Variants in DRD2 observed in about 807,000 individuals in gnomAD.
DRD2 encodes D(2) dopamine receptor.
A neutral mutation model predicts 38.0 loss-of-function variants in DRD2; 8 were observed. That is an observed-to-expected ratio of 0.21 (90% CI 0.12 to 0.38). DRD2 has a LOEUF of 0.38. Among genes scored for constraint, DRD2 ranks in the 10% least tolerant of loss-of-function variants. DRD2 has a pLI of 1.00. For missense variants in DRD2, 403 were observed against 607.7 expected (o/e 0.66, Z 3.54); for synonymous variants, 230 against 238.6 (o/e 0.96, Z 0.33).
At position 113,410,591 on chromosome 11, in the gene DRD2, C is replaced by A. The variant is rs200902658; in HGVS notation, c.*136G>T. ...GGGCAGTGAGGAGCATGGAGCCAAG[C>A]GAACACTGCAGGGCCTGCCGGGGTG... On this transcript the variant is annotated 3_prime_UTR_variant, in exon 8 of 8. Transcript: ENST00000362072. The A allele has an allele frequency of 1.8e-6, 2 of 1,121,710 alleles. No individual in the cohort carries two copies. The highest frequency in any genetic ancestry group is 1.5e-5 in the African/African-American group (1 of 65,522). 69.5% of individuals were successfully genotyped at this position (1,121,710 alleles called of 1,614,324 possible).
At chr11:113,412,979 T>C in intron 6 of DRD2, 96 bp from the exon 7 acceptor site, 2 of 1,357,122 alleles carry the variant, frequency 1.5e-6, no homozygotes, top group Non-Finnish European at 2.0e-6. Context: ...CTCTGAAGAC[T>C]CCTGCAAACA....
chr11:113,446,980 T>C (rs894512663), intron 1 of DRD2, among the ~76,000 whole-genome samples: 3 of 152,220 alleles, frequency 2.0e-5, no homozygotes, highest in Non-Finnish European at 4.4e-5. Context: ...GTGGGCTTCA[T>C]CTGCAGTCTT....
chr11:113,443,500 T>G (rs1951112165), intron 1 of DRD2, among the ~76,000 whole-genome samples: 1 of 152,242 alleles, frequency 6.6e-6, no homozygotes, highest in Non-Finnish European at 1.5e-5. Flanking sequence ...CTCCAAGTTT[T>G]GGGCAGATTG....
At chr11:113,452,879 T>A (rs543174035) in intron 1 of DRD2, among the ~76,000 whole-genome samples, 5 of 151,996 alleles carry the variant, frequency 3.3e-5, no homozygotes, top group African/African-American at 7.3e-5. Context: ...CTCAAACTCC[T>A]GAACTCAGGT....
At chr11:113,469,407 A>G (rs1340517440) in intron 1 of DRD2, among the ~76,000 whole-genome samples, 1 of 152,202 alleles carries the variant, frequency 6.6e-6, no homozygotes, top group Non-Finnish European at 1.5e-5. Context: ...CTAAAGAATT[A>G]TCTTCTTATC....
rs540541838 is a variant in DRD2, at chr11:113,433,896, C to G, written c.-31-9214G>C. ...ACCTCACAGTAAAAATAGAAGCTAG[C>G]CTTCGGCACTTTCTCAATTTCCTGT... is the stretch of plus-strand genomic sequence containing the variant. On this transcript the variant is annotated intron_variant, in intron 1 of 7. Coordinates refer to ENST00000362072, the MANE Select transcript of DRD2 (RefSeq NM_000795.4). 2.0e-5 allele frequency among the ~76,000 whole-genome samples: 3 copies of G among 152,326 alleles called. No individual in the cohort carries two copies. In the South Asian group the frequency reaches 6.2e-4, roughly 32 times the overall value.
intron 1 of DRD2, among the ~76,000 whole-genome samples, chr11:113,474,778 G>T (rs1951464068): frequency 6.6e-6 from 1 of 152,084 alleles, no homozygotes; most frequent in Non-Finnish European, 1.5e-5. Flanking sequence ...TGCCCTGGGC[G>T]CCCCGCGGGG....
At chr11:113,417,967 G>A in intron 3 of DRD2, 60 bp downstream of exon 3, 1 of 1,419,720 alleles carries the variant, frequency 7.0e-7, no homozygotes. Flanking sequence ...TTTGAGAAAA[G>A]CTGGGGCAGC....
intron 1 of DRD2, among the ~76,000 whole-genome samples, chr11:113,443,074 G>T (rs1006838986): frequency 2.0e-5 from 3 of 152,082 alleles, no homozygotes; most frequent in Non-Finnish European, 2.9e-5. Flanking sequence ...GCTGCTACTG[G>T]TCCTTTCAAC....
At position 113,414,428 on chromosome 11, in the gene DRD2, A is replaced by G; in HGVS notation, c.757T>C (p.Cys253Arg). 2 of 1,614,202 alleles carry G rather than the reference A, an allele frequency of 1.2e-6. No individual in the cohort carries two copies. The highest frequency in any genetic ancestry group is 1.7e-6 in the Non-Finnish European group (2 of 1,180,042). Residue 253 changes from cysteine (C) to arginine (R), a missense_variant, in exon 6 of 8, where the codon TGC (cysteine) becomes CGC (arginine). Physicochemically the swap from Cys to Arg is radical, Grantham distance 180 (BLOSUM62 -3). Around this residue, in one of 4 missense-constraint regions of DRD2, gnomAD observed 166 missense variants for 178.6 expected, o/e 0.93. Coordinates refer to ENST00000362072, the MANE Select transcript of DRD2 (RefSeq NM_000795.4). ...CCATTAGACTTCATGATAACGGTGCAGAGTTTCATGTCCTCGGGGTGAGTA... is the reference window on the plus strand; with the variant it reads ...CCATTAGACTTCATGATAACGGTGCGGAGTTTCATGTCCTCGGGGTGAGTA... ...NCTHPEDMKL[C>R]TVIMKSNGSF...
chr11:113,454,493 C>T (rs1204288933), intron 1 of DRD2, among the ~76,000 whole-genome samples: 2 of 152,100 alleles, frequency 1.3e-5, no homozygotes, highest in African/African-American at 2.4e-5. Flanking sequence ...CTGGCTTTTC[C>T]CTCTGTAACT....
chr11:113,419,525 C>T (rs1950864145), intron 2 of DRD2, among the ~76,000 whole-genome samples: 1 of 149,102 alleles, frequency 6.7e-6, no homozygotes, highest in Non-Finnish European at 1.5e-5. Context: ...CACACAGGCA[C>T]ACACTCATGG....
chr11:113,440,870 C>T (rs76045630), intron 1 of DRD2, among the ~76,000 whole-genome samples: 3 of 152,188 alleles, frequency 2.0e-5, no homozygotes, highest in Non-Finnish European at 4.4e-5. Flanking sequence ...CCTTGGGGCT[C>T]CTGGGACACA....
At chr11:113,433,732 G>A (rs1270396592) in intron 1 of DRD2, among the ~76,000 whole-genome samples, 1 of 152,182 alleles carries the variant, frequency 6.6e-6, no homozygotes, top group Non-Finnish European at 1.5e-5. Context: ...GCCCTATGCA[G>A]CTGGAGCCAG....
At chr11:113,427,032 C>T (rs888575619) in intron 1 of DRD2, among the ~76,000 whole-genome samples, 4 of 152,216 alleles carry the variant, frequency 2.6e-5, no homozygotes, top group Non-Finnish European at 5.9e-5. Context: ...TCCTGACCAT[C>T]GCTCTCTTCT....
At chr11:113,422,874 T>G (rs2734831) in intron 2 of DRD2, among the ~76,000 whole-genome samples, 65,499 of 152,046 alleles carry the variant, frequency 0.43, 17,121 homozygotes, top group Non-Finnish European at 0.6. Flanking sequence ...CAAAGCTTTC[T>G]CATTTTCTTT....
At chr11:113,437,413 G>A (rs752324316) in intron 1 of DRD2, among the ~76,000 whole-genome samples, 51 of 152,144 alleles carry the variant, frequency 3.4e-4, no homozygotes, top group Non-Finnish European at 3.8e-4. Flanking sequence ...CTCCAGGCTG[G>A]TAGGTGTCAG....
At chr11:113,419,839 G>C (rs997067054) in intron 2 of DRD2, among the ~76,000 whole-genome samples, 2 of 152,222 alleles carry the variant, frequency 1.3e-5, no homozygotes, top group Non-Finnish European at 1.5e-5. Flanking sequence ...TGCAGCTGCT[G>C]TCATCCTGTG....
chr11:113,414,517 AG>A (rs1379005238), intron 5 of DRD2, 56 bp from the exon 6 acceptor site: 1 of 1,573,020 alleles, frequency 6.4e-7, no homozygotes, highest in Non-Finnish European at 8.8e-7. Flanking sequence ...GAGGGGGGAC[AG>A]AAACCCAAAG....
Sources: allele counts gnomAD v4.1 joint callset (sites outside exome capture counted in the v4.1 genomes callset), GRCh38; gene constraint gnomAD v4.1.1; regional missense constraint gnomAD v4.1.1; transcripts MANE v1.5; gene names NCBI Gene and HGNC (gene_info 2026-07-23, HGNC 2026-07-21).